Variants in LATS2 observed in about 807,000 individuals in gnomAD.
The protein encoded by LATS2 is serine/threonine-protein kinase LATS2.
In LATS2, 24 loss-of-function variants were observed where a neutral mutation model predicts 76.0. The ratio of observed to expected loss-of-function variants is 0.32; its 90% CI spans 0.23 to 0.44. LATS2 has a LOEUF of 0.44. Ranked by LOEUF, LATS2 falls within the 20% of genes least tolerant of loss-of-function variation. The pLI is 1.00. For synonymous variants in LATS2, 692 were observed against 635.4 expected, an observed-to-expected ratio of 1.09 and a Z score of -1.34; for missense variants, 1,286 against 1,481.2, an observed-to-expected ratio of 0.87 and a Z score of 2.16.
At position 20,981,601 on chromosome 13, in the gene LATS2, C is replaced by T. The variant is rs1353172366; in HGVS notation, c.2530G>A (p.Asp844Asn). The change falls in exon 6 of 8, where the codon GAT (aspartate) becomes AAT (asparagine). Residue 844 changes from aspartate to asparagine, a missense_variant. Coordinates refer to ENST00000382592, the MANE Select transcript of LATS2 (RefSeq NM_014572.3). ...DSMEPSDLWD[D>N]VSNCRCGDRL... ...TCCCCACACCGACAGTTAGACACAT[C>T]ATCCCAGAGGTCGCTGGGCTCCATG... The T allele has an allele frequency of 6.2e-7, 1 of 1,614,202 alleles. No individual in the cohort carries two copies. The highest frequency in any genetic ancestry group is 8.5e-7 in the Non-Finnish European group (1 of 1,180,026).
intron 2 of LATS2, among the ~76,000 whole-genome samples, chr13:21,042,643 C>T (rs1595253504): frequency 6.6e-6 from 1 of 151,980 alleles, no homozygotes; most frequent in African/African-American, 2.4e-5. Flanking sequence ...GCATTGACCT[C>T]ACCACCACAC....
intron 2 of LATS2, among the ~76,000 whole-genome samples, chr13:21,040,810 C>A (rs1026910196): frequency 6.6e-6 from 1 of 152,030 alleles, no homozygotes; most frequent in African/African-American, 2.4e-5. Context: ...CTGATAAACT[C>A]CATGCCCCAC....
rs146602298 is a variant in LATS2 at position 21,028,199 on chromosome 13, G to A, written c.342+17486C>T. Among the ~76,000 whole-genome samples the A allele has an allele frequency of 2.7e-4, 41 of 152,096 alleles. 1 individual carries two copies. In the East Asian group the frequency reaches 5.0e-3, roughly 19 times the overall value. On this transcript the variant is annotated intron_variant, in intron 2 of 7. Transcript: ENST00000382592. ...GCGGTGTTTGGTTTTTTGTCCTTGC[G>A]ATAGTTTCCTGAGAATGATGATTTC...
intron 1 of LATS2, among the ~76,000 whole-genome samples, chr13:21,058,421 C>T (rs1873517569): frequency 6.6e-6 from 1 of 152,166 alleles, no homozygotes; most frequent in Admixed American, 6.5e-5. Flanking sequence ...TCAATCCCCA[C>T]CCTACCCCAC....
At chr13:20,977,225 A>C (rs1015604643) in intron 7 of LATS2, among the ~76,000 whole-genome samples, 1 of 152,050 alleles carries the variant, frequency 6.6e-6, no homozygotes, top group Non-Finnish European at 1.5e-5. Context: ...ATGAAGCCAC[A>C]TCTCTACTAA....
chr13:21,036,794 AAAAAC>A (rs1872696214), intron 2 of LATS2, among the ~76,000 whole-genome samples: 1 of 151,662 alleles, frequency 6.6e-6, no homozygotes, highest in Non-Finnish European at 1.5e-5. Flanking sequence ...AACAACAACA[AAAAAC>A]AACAACAAAA....
chr13:20,992,489 C>G (rs2138299062), intron 2 of LATS2, among the ~76,000 whole-genome samples: 1 of 152,188 alleles, frequency 6.6e-6, no homozygotes, highest in Admixed American at 6.5e-5. Flanking sequence ...GAAGGCGCCC[C>G]CTTCACCTTT....
chr13:21,058,232 TAA>T (rs1873510066), intron 1 of LATS2, among the ~76,000 whole-genome samples: 1 of 152,228 alleles, frequency 6.6e-6, no homozygotes, highest in South Asian at 2.1e-4. Context: ...CAACTGTTTT[TAA>T]AAAGTCAGTA....
chr13:21,019,505 T>TTGTG (rs1382132828), intron 2 of LATS2, among the ~76,000 whole-genome samples: 8 of 127,160 alleles, frequency 6.3e-5, no homozygotes, highest in African/African-American at 1.2e-4. Flanking sequence ...TTTTTTTTTT[T>TTGTG]TGTATTTTTG....
chr13:21,028,664 G>A (rs989826696), intron 2 of LATS2, among the ~76,000 whole-genome samples: 9 of 152,252 alleles, frequency 5.9e-5, no homozygotes, highest in Middle Eastern at 3.4e-3. Context: ...TCCGCCTCCC[G>A]GGTTCAAGCA....
intron 2 of LATS2, among the ~76,000 whole-genome samples, chr13:21,025,536 A>T (rs1872279060): frequency 6.6e-6 from 1 of 152,206 alleles, no homozygotes; most frequent in African/African-American, 2.4e-5. Flanking sequence ...AGCTTATTCA[A>T]TAACTCTACC....
rs529633400 is a variant in LATS2, at chr13:20,992,546, G to C, written c.343-1142C>G. Among the ~76,000 whole-genome samples the C allele has an allele frequency of 3.6e-4, 55 of 152,268 alleles. 1 individual carries two copies. Among genetic ancestry groups the C allele is most frequent in the South Asian group, 1.5e-3 (7 of 4,824 alleles). On this transcript the variant is annotated intron_variant, in intron 2 of 7. Transcript: ENST00000382592. ...TAGGCAAACAGGGAGGGTGAGCAGA[G>C]AGAAAAGAACACCGTTGAGGCTGGC...
intron 2 of LATS2, among the ~76,000 whole-genome samples, chr13:21,040,319 G>A (rs1872824853): frequency 6.6e-6 from 1 of 151,156 alleles, no homozygotes. Context: ...CCAGGTCAAG[G>A]CTACAGTGAG....
chr13:21,042,208 C>A (rs1256666711), intron 2 of LATS2, among the ~76,000 whole-genome samples: 1 of 152,102 alleles, frequency 6.6e-6, no homozygotes, highest in East Asian at 1.9e-4. Flanking sequence ...ATAAACATAT[C>A]ATTTGACATA....
At chr13:20,979,607 G>A in intron 7 of LATS2, 84 bp downstream of exon 7, 1 of 663,238 alleles carries the variant, frequency 1.5e-6, no homozygotes, top group Non-Finnish European at 2.7e-6. Context: ...CAGAATAAGA[G>A]GGCAAATGCT....
At chr13:21,020,230 C>A (rs1872001369) in intron 2 of LATS2, among the ~76,000 whole-genome samples, 1 of 152,124 alleles carries the variant, frequency 6.6e-6, no homozygotes, top group African/African-American at 2.4e-5. Flanking sequence ...GAGCTTCTGA[C>A]GTGAGCAAGT....
Position 20,983,759 on chromosome 13 carries a change from G to A in LATS2, c.1947C>T (p.Tyr649=), listed in dbSNP as rs752778622. Residue 649 remains tyrosine (Y), a synonymous_variant, in exon 5 of 8, where the codon TAC becomes TAT. Coordinates refer to ENST00000382592, the MANE Select transcript of LATS2 (RefSeq NM_014572.3). ...AEQEQMRKIL[Y]QKESNYNRLK... ...ACCTGTTGTAATTAGACTCTTTCTG[G>A]TAGAGGATCTTCCGCATCTGCTCCT... is the stretch of plus-strand genomic sequence containing the variant. 1 of 1,613,880 alleles carries A rather than the reference G, an allele frequency of 6.2e-7. No homozygotes were observed. Among genetic ancestry groups the A allele is most frequent in the East Asian group, 2.2e-5 (1 of 44,888 alleles).
chr13:21,008,214 G>A (rs542754470), intron 2 of LATS2, among the ~76,000 whole-genome samples: 6 of 152,198 alleles, frequency 3.9e-5, no homozygotes, highest in East Asian at 1.9e-4. Context: ...ACAGACACTC[G>A]GGCACCGCAT....
intron 2 of LATS2, among the ~76,000 whole-genome samples, chr13:21,001,945 G>C (rs111917343): frequency 2.0e-5 from 3 of 150,808 alleles, no homozygotes; most frequent in Non-Finnish European, 4.4e-5. Context: ...GCGGAGTCTC[G>C]CTCTGTCGCC....
Sources: gnomAD v4.1 joint callset for allele counts (sites outside exome capture counted in the v4.1 genomes callset) on GRCh38, gnomAD v4.1.1 for gene constraint, MANE v1.5 for transcripts, NCBI Gene and HGNC (gene_info 2026-07-23, HGNC 2026-07-21) for gene names.